Variants in KCTD16 observed in about 807,000 individuals in gnomAD.
KCTD16 encodes BTB/POZ domain-containing protein KCTD16.
Under a neutral mutation model 33.2 loss-of-function variants are expected in KCTD16, and 13 were observed. That is an observed-to-expected ratio of 0.39 (90% CI 0.25 to 0.62). The LOEUF is 0.62. Ranked by LOEUF, KCTD16 falls within the 20% of genes least tolerant of loss-of-function variation. KCTD16 has a pLI of 0.50. For synonymous variants in KCTD16, 197 were observed against 195.3 expected, an observed-to-expected ratio of 1.01 and a Z score of -0.07; for missense variants, 441 against 525.1, an observed-to-expected ratio of 0.84 and a Z score of 1.57.
chr5:144,360,475 A>G (rs938609714), intron 3 of KCTD16, among the ~76,000 whole-genome samples: 1 of 150,272 alleles, frequency 6.7e-6, no homozygotes, highest in African/African-American at 2.5e-5. Context: ...TCTGTTGCCC[A>G]GGCTGGAGTG....
intron 3 of KCTD16, among the ~76,000 whole-genome samples, chr5:144,302,095 A>G (rs1359830693): frequency 7.2e-5 from 11 of 152,218 alleles, no homozygotes; most frequent in African/African-American, 2.7e-4. Flanking sequence ...AGTTTAAGTG[A>G]CTTGCCCAAG....
chr5:144,413,270 G>A (rs550206169), intron 3 of KCTD16, among the ~76,000 whole-genome samples: 18 of 152,316 alleles, frequency 1.2e-4, no homozygotes, highest in Non-Finnish European at 2.1e-4. Flanking sequence ...GAAACATCAT[G>A]TGAAGACAGA....
intron 3 of KCTD16, among the ~76,000 whole-genome samples, chr5:144,275,805 C>G (rs2126850547): frequency 6.6e-6 from 1 of 152,224 alleles, no homozygotes; most frequent in Non-Finnish European, 1.5e-5. Context: ...TGTTAGAGAT[C>G]ATTTCAGGAC....
At chr5:144,307,061 G>T (rs759280000) in intron 3 of KCTD16, among the ~76,000 whole-genome samples, 1 of 152,064 alleles carries the variant, frequency 6.6e-6, no homozygotes, top group Non-Finnish European at 1.5e-5. Flanking sequence ...TCTGACACTA[G>T]CCCACCTTTC....
At chr5:144,298,427 C>T (rs970200517) in intron 3 of KCTD16, among the ~76,000 whole-genome samples, 2 of 152,186 alleles carry the variant, frequency 1.3e-5, no homozygotes, top group Non-Finnish European at 2.9e-5. Flanking sequence ...TCAGCCTTTA[C>T]AGAGAGAAGC....
chr5:144,386,894 T>C (rs1752335278), intron 3 of KCTD16, among the ~76,000 whole-genome samples: 1 of 152,244 alleles, frequency 6.6e-6, no homozygotes, highest in African/African-American at 2.4e-5. Flanking sequence ...TAAAGTGGTA[T>C]TATTGTTGTT....
Position 144,441,772 on chromosome 5 carries a change from GTT to G in KCTD16, c.833-31876_833-31875del, listed in dbSNP as rs60099462. Among the ~76,000 whole-genome samples, 531 of 111,876 alleles carry G rather than the reference GTT, an allele frequency of 4.7e-3. 2 individuals carry two copies. The highest frequency in any genetic ancestry group is 0.015 in the African/African-American group (506 of 32,814). 73.4% of individuals were successfully genotyped at this position (111,876 alleles called of 152,430 possible). On this transcript the variant is annotated intron_variant, in intron 3 of 3. Transcript: ENST00000512467. ...CAGGATATATGAGTTCTCTAAATTT[GTT>G]TTTTTTTTTTTAAGATTTCTTTCAG...
intron 3 of KCTD16, among the ~76,000 whole-genome samples, chr5:144,312,997 G>A (rs777708725): frequency 1.3e-5 from 2 of 152,184 alleles, no homozygotes; most frequent in African/African-American, 2.4e-5. Context: ...GGTAGGAAAC[G>A]AAGAGTGGTA....
chr5:144,330,926 G>A (rs539907020), intron 3 of KCTD16, among the ~76,000 whole-genome samples: 1 of 152,336 alleles, frequency 6.6e-6, no homozygotes, highest in East Asian at 1.9e-4. Flanking sequence ...GTAATAAACT[G>A]GAGGGACTTT....
intron 3 of KCTD16, among the ~76,000 whole-genome samples, chr5:144,366,692 G>A (rs936765877): frequency 1.3e-5 from 2 of 152,048 alleles, no homozygotes; most frequent in African/African-American, 4.8e-5. Context: ...AAACAATACT[G>A]CTATCCTAGT....
At chr5:144,185,514 T>C (rs887393420) in intron 2 of KCTD16, among the ~76,000 whole-genome samples, 1 of 152,116 alleles carries the variant, frequency 6.6e-6, no homozygotes, top group South Asian at 2.1e-4. Context: ...TTCATGTCCA[T>C]TGCTGTAATA....
chr5:144,420,350 A>T (rs1431801589), intron 3 of KCTD16, among the ~76,000 whole-genome samples: 1 of 152,172 alleles, frequency 6.6e-6, no homozygotes. Flanking sequence ...GCACACATAT[A>T]CATATGTAAC....
In KCTD16 at chr5:144,373,978, T is replaced by A. The variant is rs537222264; in HGVS notation, c.833-99682T>A. Among the ~76,000 whole-genome samples, 165 of 152,322 alleles carry A rather than the reference T, an allele frequency of 1.1e-3. 3 individuals carry two copies. Among genetic ancestry groups the A allele is most frequent in the African/African-American group, 3.7e-3 (155 of 41,576 alleles). ...CCTAGCTGCATCACTGCAGTTTCTG[T>A]TTCAGTCACCACATCAAGTTCTCCC... is the stretch of plus-strand genomic sequence containing the variant. On this transcript the variant is annotated intron_variant, in intron 3 of 3. Transcript: ENST00000512467.
intron 3 of KCTD16, among the ~76,000 whole-genome samples, chr5:144,332,033 AG>A (rs1413378103): frequency 1.3e-5 from 2 of 152,232 alleles, no homozygotes; most frequent in African/African-American, 4.8e-5. Context: ...AGTAAAGGAT[AG>A]GGACTGCTGG....
chr5:144,359,536 T>A (rs527396031), intron 3 of KCTD16, among the ~76,000 whole-genome samples: 1 of 152,190 alleles, frequency 6.6e-6, no homozygotes, highest in African/African-American at 2.4e-5. Context: ...AACTGCTTTT[T>A]AATCCGTTAC....
intron 3 of KCTD16, among the ~76,000 whole-genome samples, chr5:144,388,065 G>GT (rs397999492): frequency 0.042 from 3,056 of 73,602 alleles, 766 homozygotes; most frequent in East Asian, 0.078. Flanking sequence ...TTTAGAGCAA[G>GT]TTTTTTTTTT....
chr5:144,264,371 A>G (rs1372410091), intron 3 of KCTD16, among the ~76,000 whole-genome samples: 1 of 152,192 alleles, frequency 6.6e-6, no homozygotes, highest in African/African-American at 2.4e-5. Flanking sequence ...TAGAAATGTA[A>G]GGATTTTGGA....
intron 3 of KCTD16, among the ~76,000 whole-genome samples, chr5:144,355,901 A>G (rs1028866536): frequency 6.6e-6 from 1 of 152,134 alleles, no homozygotes; most frequent in African/African-American, 2.4e-5. Flanking sequence ...TAAATCAGCT[A>G]AAGTCTAGTT....
intron 3 of KCTD16, among the ~76,000 whole-genome samples, chr5:144,417,315 G>A (rs1753080110): frequency 6.6e-6 from 1 of 151,934 alleles, no homozygotes; most frequent in Non-Finnish European, 1.5e-5. Flanking sequence ...ACTTATATTA[G>A]TGGATATCAA....
Sources: gnomAD v4.1 joint callset for allele counts (sites outside exome capture counted in the v4.1 genomes callset) on GRCh38, gnomAD v4.1.1 for gene constraint, MANE v1.5 for transcripts, NCBI Gene and HGNC (gene_info 2026-07-23, HGNC 2026-07-21) for gene names.